The following SKI variants were observed in gnomAD, a reference collection of about 807,000 sequenced individuals.
The protein encoded by SKI is ski oncogene.
Under a neutral mutation model 59.3 loss-of-function variants are expected in SKI, and 23 were observed. The observed-to-expected ratio is 0.39, with a 90% CI of 0.28 to 0.55. SKI has a LOEUF of 0.55. Among genes scored for constraint, SKI ranks in the 20% least tolerant of loss-of-function variants. SKI has a pLI of 0.67. For synonymous variants in SKI, 673 were observed against 488.6 expected (o/e 1.38, Z -4.98); for missense variants, 1,017 against 1,038.9 (o/e 0.98, Z 0.29).
At position 2,303,841 on chromosome 1, in the gene SKI, T is replaced by C. The variant is rs1384514348; in HGVS notation, c.1213T>C (p.Phe405Leu). Residue 405 changes from phenylalanine (F) to leucine (L), a missense_variant and splice_region_variant, in exon 4 of 7, where the codon TTC (phenylalanine) becomes CTC (leucine). Transcript: ENST00000378536. This position sits in a 1 kb window ranked among gnomAD's most constrained non-coding sequence, Gnocchi z 5.6. The part of the protein sequence containing the change: ...PHLPALIRDS[F>L]YSYKSFETAV... Reference sequence around the variant, plus strand: ...CCCGACACCCGCCTGCCCCTCCAGCTTCTACTCCTACAAGAGCTTTGAGAC... The same window carrying C: ...CCCGACACCCGCCTGCCCCTCCAGCCTCTACTCCTACAAGAGCTTTGAGAC... 6.2e-7 allele frequency: 1 copy of C among 1,612,382 alleles called. No homozygotes were observed. Among genetic ancestry groups the C allele is most frequent in the African/African-American group, 1.3e-5 (1 of 74,898 alleles).
chr1:2,249,685 G>A (rs1008080707), intron 1 of SKI, among the ~76,000 whole-genome samples: 2 of 152,208 alleles, frequency 1.3e-5, no homozygotes, highest in East Asian at 3.9e-4. Flanking sequence ...GAGGGCTCAC[G>A]GTGTCCCCTG....
chr1:2,299,229 C>T (rs546878351), intron 1 of SKI, among the ~76,000 whole-genome samples: 7 of 148,404 alleles, frequency 4.7e-5, no homozygotes, highest in South Asian at 2.1e-4. Flanking sequence ...CTCGGGGACC[C>T]GAGTGACTGT....
intron 1 of SKI, among the ~76,000 whole-genome samples, chr1:2,251,712 G>C (rs1233720437): frequency 6.6e-6 from 1 of 152,230 alleles, no homozygotes; most frequent in African/African-American, 2.4e-5. Context: ...TATGTGATAG[G>C]TTCACAGGTC....
intron 1 of SKI, among the ~76,000 whole-genome samples, chr1:2,284,073 G>A (rs1163715262): frequency 6.6e-6 from 1 of 152,168 alleles, no homozygotes; most frequent in East Asian, 1.9e-4. Flanking sequence ...TGTCCTCCGG[G>A]CCATCCCCCG....
intron 5 of SKI, among the ~76,000 whole-genome samples, chr1:2,305,740 A>G (rs774793804): frequency 1.7e-4 from 26 of 152,174 alleles, no homozygotes; most frequent in Admixed American, 5.2e-4. Flanking sequence ...ACGTGGCCCT[A>G]GATACCGGGG....
chr1:2,300,325 G>A (rs1489097337), intron 1 of SKI, among the ~76,000 whole-genome samples: 1 of 152,234 alleles, frequency 6.6e-6, no homozygotes, highest in East Asian at 1.9e-4. Context: ...CCATTGCTTT[G>A]GTGTGTCAGG....
intron 1 of SKI, among the ~76,000 whole-genome samples, chr1:2,236,843 C>T (rs946210043): frequency 2.0e-5 from 3 of 152,194 alleles, no homozygotes; most frequent in African/African-American, 7.2e-5. Context: ...GATGCTCCTC[C>T]CAGCTCTCAG....
intron 1 of SKI, among the ~76,000 whole-genome samples, chr1:2,272,835 C>G (rs186727107): frequency 4.6e-5 from 7 of 152,070 alleles, no homozygotes; most frequent in African/African-American, 1.4e-4. Flanking sequence ...CCCGAGCCTC[C>G]CCCTCCCACG....
intron 1 of SKI, among the ~76,000 whole-genome samples, chr1:2,290,868 A>G (rs1047528150): frequency 1.3e-5 from 2 of 152,238 alleles, no homozygotes; most frequent in African/African-American, 4.8e-5. Flanking sequence ...CAGCCTTCCA[A>G]GAACCGCGAC....
At chr1:2,232,066 T>C (rs1638650915) in intron 1 of SKI, among the ~76,000 whole-genome samples, 1 of 152,218 alleles carries the variant, frequency 6.6e-6, no homozygotes, top group Non-Finnish European at 1.5e-5. Context: ...CTACTTGTCC[T>C]AGAAGGAGTG....
At position 2,306,748 on chromosome 1, in the gene SKI, G is replaced by GCGGAGCTGGAGC; in HGVS notation, c.2173_2184dup (p.Glu725_Pro728dup). On this transcript the variant is annotated inframe_insertion, in exon 7 of 7. Coordinates refer to ENST00000378536, the MANE Select transcript of SKI (RefSeq NM_003036.4). ...CGAGGCTGCGGGCAGCGAGGGCGCT[G>GCGGAGCTGGAGC]CGGAGCTGGAGCCGTAGATTCCGTG... The GCGGAGCTGGAGC allele has an allele frequency of 6.6e-7, 1 of 1,525,114 alleles. No individual in the cohort carries two copies. Among genetic ancestry groups the GCGGAGCTGGAGC allele is most frequent in the Non-Finnish European group, 8.8e-7 (1 of 1,139,164 alleles). The allele number at this position is 1,525,114 out of a possible 1,614,324, so 94.5% of individuals were successfully genotyped here. A position where few individuals can be genotyped will look rare whatever the true frequency, so the allele number is the denominator to read the frequency against.
intron 1 of SKI, among the ~76,000 whole-genome samples, chr1:2,290,107 G>C (rs1640129541): frequency 6.6e-6 from 1 of 152,144 alleles, no homozygotes; most frequent in Admixed American, 6.5e-5. Flanking sequence ...AGTGGGGAGG[G>C]AGTCGGTAAG....
At chr1:2,272,823 G>C (rs1639655172) in intron 1 of SKI, among the ~76,000 whole-genome samples, 1 of 151,914 alleles carries the variant, frequency 6.6e-6, no homozygotes, top group Non-Finnish European at 1.5e-5. Context: ...TTCTCACCAC[G>C]CCCCGAGCCT....
Position 2,228,890 on chromosome 1 carries a change from T to C in SKI, c.124T>C (p.Trp42Arg). 7.0e-7 allele frequency: 1 copy of C among 1,419,742 alleles called. No individual in the cohort carries two copies. The highest frequency in any genetic ancestry group is 9.2e-7 in the Non-Finnish European group (1 of 1,082,060). 87.9% of individuals were successfully genotyped at this position (1,419,742 alleles called of 1,614,324 possible). The stretch of plus-strand genomic sequence containing the variant: ...CGGCCCGGCCGCTTTCTCGGCGCGC[T>C]GGGCGCAGGAGGCCTACAAGAAGGA... ...LGGPAAFSAR[W>R]AQEAYKKESA... Residue 42 changes from tryptophan to arginine, a missense_variant, in exon 1 of 7, where the codon TGG (tryptophan) becomes CGG (arginine). Physicochemically the swap from Trp to Arg is moderately radical, Grantham distance 101. Transcript: ENST00000378536.
rs181112870 is a variant in SKI, at chr1:2,303,774, G to A, written c.1212-66G>A. 413 of 1,586,732 alleles carry A rather than the reference G, an allele frequency of 2.6e-4. No individual in the cohort carries two copies. In the African/African-American group the frequency reaches 4.8e-3, roughly 18 times the overall value. ...TTTAACACCTTCAGAGGGGGTGTGCGCCAGGATGTGTCTGGGTGGTGCTTG... is the reference window on the plus strand; with the variant it reads ...TTTAACACCTTCAGAGGGGGTGTGCACCAGGATGTGTCTGGGTGGTGCTTG... On this transcript the variant is annotated intron_variant, in intron 3 of 6. Transcript: ENST00000378536. The surrounding 1 kb of genome is among the most constrained non-coding windows in gnomAD (Gnocchi z 5.6).
chr1:2,272,601 TG>T (rs1639649317), intron 1 of SKI, among the ~76,000 whole-genome samples: 1 of 152,238 alleles, frequency 6.6e-6, no homozygotes, highest in South Asian at 2.1e-4. Flanking sequence ...GAGGGTGAAC[TG>T]GTTCCTATTT....
intron 1 of SKI, among the ~76,000 whole-genome samples, chr1:2,240,161 C>G (rs973555314): frequency 1.3e-5 from 2 of 152,210 alleles, no homozygotes; most frequent in African/African-American, 2.4e-5. Flanking sequence ...CAGGACCCCG[C>G]AGGGTGGCCC....
At chr1:2,282,907 C>T (rs1163779289) in intron 1 of SKI, among the ~76,000 whole-genome samples, 1 of 152,196 alleles carries the variant, frequency 6.6e-6, no homozygotes, top group Non-Finnish European at 1.5e-5. Flanking sequence ...TCCTCCTGTG[C>T]CCTAAGCTGA....
intron 1 of SKI, among the ~76,000 whole-genome samples, chr1:2,282,912 AG>A (rs1164917094): frequency 3.9e-5 from 6 of 152,164 alleles, no homozygotes; most frequent in Admixed American, 3.3e-4. Context: ...CTGTGCCCTA[AG>A]CTGAGCCACT....
Sources: allele counts gnomAD v4.1 joint callset (sites outside exome capture counted in the v4.1 genomes callset), GRCh38; gene constraint gnomAD v4.1.1; non-coding constraint Gnocchi (gnomAD v3.1); transcripts MANE v1.5; gene names NCBI Gene and HGNC (gene_info 2026-07-23, HGNC 2026-07-21).